The following TMPRSS13 variants were observed in gnomAD, a reference collection of about 807,000 sequenced individuals.
TMPRSS13 encodes the protein transmembrane protease serine 13.
Under a neutral mutation model 68.4 loss-of-function variants are expected in TMPRSS13, and 50 were observed. The observed-to-expected ratio is 0.73, with a 90% confidence interval of 0.58 to 0.93. The LOEUF is 0.93. TMPRSS13 is among the 40% of genes least tolerant of loss of function. The pLI is 0.00. For synonymous variants in TMPRSS13, 267 were observed against 285.8 expected, an observed-to-expected ratio of 0.93 and a Z score of 0.66; for missense variants, 615 against 729.2, an observed-to-expected ratio of 0.84 and a Z score of 1.80.
chr11:117,904,116 G>C lies in TMPRSS13; in HGVS notation c.1382-15C>G, dbSNP rs1416641966. The C allele has an allele frequency of 6.2e-7, 1 of 1,612,566 alleles. No individual in the cohort carries two copies. The highest frequency in any genetic ancestry group is 1.7e-5 in the Admixed American group (1 of 59,930). On this transcript the variant is annotated splice_polypyrimidine_tract_variant and intron_variant, in intron 10 of 12. Coordinates refer to ENST00000524993, the MANE Select transcript of TMPRSS13 (RefSeq NM_001077263.3). ...GGATGTCTTGTCTTCAGTGAAGTGG[G>C]GTGGAGGAGACAGAGGATGGGAAGC...
In TMPRSS13 at chr11:117,923,374, A is replaced by G. The variant is rs143891800; in HGVS notation, c.22-4536T>C. 5.0e-3 allele frequency among the ~76,000 whole-genome samples: 753 copies of G among 152,108 alleles called. 4 individuals carry two copies. The highest frequency in any genetic ancestry group is 8.2e-3 in the Non-Finnish European group (560 of 68,016). ...ATGGTAGTAAGTTAGCCAGCCCCTGAGTATGTCCAGCTCTTGTCCTCTCCT... is the reference window on the plus strand; with the variant it reads ...ATGGTAGTAAGTTAGCCAGCCCCTGGGTATGTCCAGCTCTTGTCCTCTCCT... On this transcript the variant is annotated intron_variant, in intron 1 of 12. Coordinates refer to ENST00000524993, the MANE Select transcript of TMPRSS13 (RefSeq NM_001077263.3).
intron 12 of TMPRSS13, 92 bp from the exon 13 acceptor site, chr11:117,902,357 G>T: frequency 1.4e-6 from 2 of 1,419,562 alleles, no homozygotes; most frequent in Non-Finnish European, 2.0e-6. Flanking sequence ...CTATAATTTA[G>T]CCTCGCTGTC....
chr11:117,903,472 C>A (rs2057429088), intron 12 of TMPRSS13, 183 bp downstream of exon 12: 2 of 1,539,166 alleles, frequency 1.3e-6, no homozygotes, highest in Middle Eastern at 1.7e-4. Flanking sequence ...GGAAGAAAAG[C>A]AGGGAAAGAA....
intron 3 of TMPRSS13, 37 bp downstream of exon 3, chr11:117,917,133 G>T: frequency 1.3e-6 from 2 of 1,566,796 alleles, no homozygotes; most frequent in Non-Finnish European, 8.7e-7. Flanking sequence ...GCCCAGCAGT[G>T]CCCAGAACCC....
intron 1 of TMPRSS13, among the ~76,000 whole-genome samples, chr11:117,923,838 T>TAAAAAA (rs1555057480): frequency 1.6e-5 from 2 of 128,144 alleles, no homozygotes; most frequent in African/African-American, 2.8e-5. Flanking sequence ...GTATAATAAT[T>TAAAAAA]AAAAAAAAAA....
intron 10 of TMPRSS13, 142 bp from the exon 11 acceptor site, chr11:117,904,243 C>T: frequency 8.4e-7 from 1 of 1,188,682 alleles, no homozygotes; most frequent in Non-Finnish European, 1.2e-6. Context: ...GCCTGGCTCC[C>T]ACCCAAGGGA....
intron 2 of TMPRSS13, 75 bp downstream of exon 2, chr11:117,918,334 A>G (rs1188344314): frequency 1.3e-6 from 2 of 1,517,768 alleles, no homozygotes; most frequent in East Asian, 2.3e-5. Flanking sequence ...AGCAGAGCAC[A>G]CTGGCTCTGA....
At chr11:117,918,935 G>A (rs2057614498) in intron 1 of TMPRSS13, 97 bp from the exon 2 acceptor site, 1 of 1,522,386 alleles carries the variant, frequency 6.6e-7, no homozygotes, top group African/African-American at 1.4e-5. Context: ...CTCTGGGGCA[G>A]CAGCTAGGGG....
At position 117,920,095 on chromosome 11, in the gene TMPRSS13, G is replaced by T. The variant is rs141018023; in HGVS notation, c.22-1257C>A. On this transcript the variant is annotated intron_variant, in intron 1 of 12. Transcript: ENST00000524993. Reference sequence around the variant, plus strand: ...GAGGTGCCTGGTGGCCTGGGGCATCGGGGTCAGGTGAGTTTTCAGGTGCTC... The same window carrying T: ...GAGGTGCCTGGTGGCCTGGGGCATCTGGGTCAGGTGAGTTTTCAGGTGCTC... Among the ~76,000 whole-genome samples the T allele has an allele frequency of 4.2e-3, 646 of 152,276 alleles. 1 individual carries two copies. Among genetic ancestry groups the T allele is most frequent in the Middle Eastern group, 0.014 (4 of 294 alleles).
intron 1 of TMPRSS13, among the ~76,000 whole-genome samples, chr11:117,926,017 A>G (rs1233154386): frequency 6.2e-4 from 81 of 131,602 alleles, no homozygotes; most frequent in Middle Eastern, 9.3e-3. Context: ...CAGGGCAGGT[A>G]CCAGGGTCCT....
chr11:117,905,342 A>G (rs1296240198), intron 10 of TMPRSS13, among the ~76,000 whole-genome samples: 1 of 152,108 alleles, frequency 6.6e-6, no homozygotes, highest in Non-Finnish European at 1.5e-5. Context: ...GAGATGCTCC[A>G]TGGTTCTTCA....
intron 5 of TMPRSS13, among the ~76,000 whole-genome samples, chr11:117,913,107 C>T (rs2057539638): frequency 1.3e-5 from 2 of 152,146 alleles, no homozygotes; most frequent in Admixed American, 1.3e-4. Flanking sequence ...CTCCTCTCCC[C>T]ACAACCTCAC....
intron 9 of TMPRSS13, 36 bp downstream of exon 9, chr11:117,908,576 G>C: frequency 1.9e-6 from 3 of 1,544,356 alleles, no homozygotes; most frequent in Non-Finnish European, 2.6e-6. Context: ...TGCTGGGGCT[G>C]GGGGGCAGGA....
rs769254060 is a variant in TMPRSS13, at chr11:117,913,731, T to A, written c.809+46A>T. 3.7e-6 allele frequency: 6 copies of A among 1,605,448 alleles called. No homozygotes were observed. In the South Asian group the frequency reaches 6.6e-5, roughly 18 times the overall value. ...TGCTTGAGACACCCTATGAAGAGCC[T>A]GAGACATCCCTGAAGCCTGGACTCT... On this transcript the variant is annotated intron_variant, in intron 5 of 12. Transcript: ENST00000524993.
chr11:117,918,533 T>C lies in TMPRSS13; in HGVS notation c.327A>G (p.Ser109=). ...SSSGRSSSAR[S]ASVTTSPTRV... Reference sequence around the variant, plus strand: ...TGGTTGGGGAGGTTGTCACCGAGGCTGACCTGGCGGATGATGACCTGCCGG... The same window carrying C: ...TGGTTGGGGAGGTTGTCACCGAGGCCGACCTGGCGGATGATGACCTGCCGG... The change falls in exon 2 of 13, where the codon TCA becomes TCG. Residue 109 remains serine (S), a synonymous_variant. Transcript: ENST00000524993. 1.2e-6 allele frequency: 2 copies of C among 1,614,196 alleles called. No homozygotes were observed. The highest frequency in any genetic ancestry group is 1.7e-6 in the Non-Finnish European group (2 of 1,180,040).
chr11:117,929,143 C>G (rs1438279715), intron 1 of TMPRSS13, 144 bp downstream of exon 1: 2 of 600,678 alleles, frequency 3.3e-6, no homozygotes, highest in East Asian at 3.4e-5. Flanking sequence ...AGATCTTGAT[C>G]GTAAGTAGCT....
Position 117,915,504 on chromosome 11 carries a change from C to T in TMPRSS13, c.557-990G>A, listed in dbSNP as rs186758496. On this transcript the variant is annotated intron_variant, in intron 3 of 12. Transcript: ENST00000524993. The surrounding 1 kb of genome is among the most constrained non-coding windows in gnomAD (Gnocchi z 4.9). ...CTGTGCCCTGGTCTTCCTCCCATAT[C>T]CTGGGCACTCAACCCCCGGGGAACC... Among the ~76,000 whole-genome samples, 1 of 152,332 alleles carries T rather than the reference C, an allele frequency of 6.6e-6. No homozygotes were observed. The highest frequency in any genetic ancestry group is 2.4e-5 in the African/African-American group (1 of 41,582).
rs1725439476 is a variant in TMPRSS13, at chr11:117,902,108, G to T, written c.*131C>A. The T allele has an allele frequency of 6.5e-6, 6 of 916,902 alleles. No individual in the cohort carries two copies. The highest frequency in any genetic ancestry group is 8.6e-6 in the Non-Finnish European group (5 of 584,012). 56.8% of individuals were successfully genotyped at this position (916,902 alleles called of 1,614,324 possible). ...CACACACACACACACACACACAGAGGCAGCAGACAGTGGAGGTGGGAGTCC... is the reference window on the plus strand; with the variant it reads ...CACACACACACACACACACACAGAGTCAGCAGACAGTGGAGGTGGGAGTCC... On this transcript the variant is annotated 3_prime_UTR_variant, in exon 13 of 13. Transcript: ENST00000524993.
chr11:117,919,006 T>C (rs1004561081), intron 1 of TMPRSS13, among the ~76,000 whole-genome samples, 168 bp from the exon 2 acceptor site: 1 of 152,110 alleles, frequency 6.6e-6, no homozygotes, highest in Non-Finnish European at 1.5e-5. Flanking sequence ...AAGGATAGAA[T>C]GAAAGCTCAA....
Sources: allele counts gnomAD v4.1 joint callset (sites outside exome capture counted in the v4.1 genomes callset), GRCh38; gene constraint gnomAD v4.1.1; non-coding constraint Gnocchi (gnomAD v3.1); transcripts MANE v1.5; gene names NCBI Gene and HGNC (gene_info 2026-07-23, HGNC 2026-07-21).